The following SNTG2 variants were observed in gnomAD, a reference collection of about 807,000 sequenced individuals.
SNTG2 encodes gamma-2-syntrophin.
A neutral mutation model predicts 70.9 loss-of-function variants in SNTG2; 74 were observed. The ratio of observed to expected loss-of-function variants is 1.04; its 90% CI spans 0.86 to 1.27. The LOEUF is 1.27. Among genes scored for constraint, SNTG2 ranks in the 50% most tolerant of loss-of-function variants. SNTG2 has a pLI of 0.00. For missense variants in SNTG2, 717 were observed against 690.7 expected, an observed-to-expected ratio of 1.04 and a Z score of -0.43; for synonymous variants, 278 against 273.8, an observed-to-expected ratio of 1.02 and a Z score of -0.15.
chr2:1,100,232 T>C (rs1400449299), intron 4 of SNTG2, among the ~76,000 whole-genome samples: 1 of 151,946 alleles, frequency 6.6e-6, no homozygotes, highest in African/African-American at 2.4e-5. Context: ...AGAGGCGCGA[T>C]CTCGGCTCAC....
intron 1 of SNTG2, among the ~76,000 whole-genome samples, chr2:1,065,100 G>A (rs2148122501): frequency 6.6e-6 from 1 of 152,312 alleles, no homozygotes; most frequent in Admixed American, 6.5e-5. Flanking sequence ...AGCTGGAGCT[G>A]TGTAGCTGGA....
At chr2:1,332,907 G>A (rs982597225) in intron 16 of SNTG2, among the ~76,000 whole-genome samples, 3 of 152,266 alleles carry the variant, frequency 2.0e-5, no homozygotes, top group African/African-American at 7.2e-5. Flanking sequence ...AGACAGGGAC[G>A]CCTACTCTCA....
At chr2:1,314,153 C>G (rs1047554199) in intron 15 of SNTG2, among the ~76,000 whole-genome samples, 20 of 152,182 alleles carry the variant, frequency 1.3e-4, no homozygotes, top group African/African-American at 4.8e-4. Context: ...TAGGGGTAGA[C>G]CACTACTGCG....
intron 16 of SNTG2, among the ~76,000 whole-genome samples, chr2:1,338,674 A>G (rs968403740): frequency 1.3e-5 from 2 of 152,156 alleles, no homozygotes; most frequent in Admixed American, 6.5e-5. Context: ...AATGTCTTCA[A>G]GGTCCATCCA....
chr2:1,213,047 A>G (rs975388993), intron 9 of SNTG2, among the ~76,000 whole-genome samples: 1 of 152,238 alleles, frequency 6.6e-6, no homozygotes, highest in African/African-American at 2.4e-5. Context: ...TCCTTGTCCA[A>G]GTATAGGACC....
intron 6 of SNTG2, among the ~76,000 whole-genome samples, chr2:1,142,901 T>C (rs913271689): frequency 6.6e-6 from 1 of 152,228 alleles, no homozygotes; most frequent in African/African-American, 2.4e-5. Context: ...TGCAATTCTT[T>C]AGATATGCAT....
chr2:1,226,635 C>T (rs1675800090), intron 9 of SNTG2, among the ~76,000 whole-genome samples: 1 of 151,964 alleles, frequency 6.6e-6, no homozygotes, highest in African/African-American at 2.4e-5. Context: ...CACTCTTCGA[C>T]TGAACTGAGA....
At chr2:1,029,283 C>G (rs1264866995) in intron 1 of SNTG2, among the ~76,000 whole-genome samples, 2 of 152,046 alleles carry the variant, frequency 1.3e-5, no homozygotes, top group Non-Finnish European at 2.9e-5. Flanking sequence ...GTAATTAACA[C>G]AAAAAAGACT....
chr2:1,088,204 T>G (rs1664799615), intron 2 of SNTG2, among the ~76,000 whole-genome samples: 1 of 152,250 alleles, frequency 6.6e-6, no homozygotes, highest in South Asian at 2.1e-4. Context: ...AATTGGACAC[T>G]TTATCAGCAT....
intron 14 of SNTG2, among the ~76,000 whole-genome samples, chr2:1,307,083 G>A (rs1680715599): frequency 1.3e-5 from 2 of 150,520 alleles, no homozygotes; most frequent in Admixed American, 6.6e-5. Context: ...GAATGTGTGA[G>A]TGTGTGAACC....
chr2:1,316,528 A>G (rs35466197), intron 16 of SNTG2, among the ~76,000 whole-genome samples, 153 bp downstream of exon 16: 78,517 of 151,342 alleles, frequency 0.52, 20,481 homozygotes, highest in Middle Eastern at 0.68. Context: ...TTAGGCAATA[A>G]ATACGCCGAA....
intron 8 of SNTG2, among the ~76,000 whole-genome samples, chr2:1,197,808 C>T (rs555160017): frequency 3.4e-4 from 52 of 152,234 alleles, no homozygotes; most frequent in African/African-American, 1.2e-3. Flanking sequence ...TGCTGGATTA[C>T]AGGCATGAGC....
rs1661542824 is a variant in SNTG2, at chr2:1,367,363, G to A, written c.1509G>A (p.Leu503=). The part of the protein sequence containing the change: ...IETKELEFQD[L]RAVLHCIHSF... The stretch of plus-strand genomic sequence containing the variant: ...TCCAGGAACTCGAGTTCCAGGACCT[G>A]AGGGCTGTCCTGCACTGCATCCACT... The change falls in exon 17 of 17, where the codon CTG becomes CTA. Residue 503 remains leucine (L), a synonymous_variant. Coordinates refer to ENST00000308624, the MANE Select transcript of SNTG2 (RefSeq NM_018968.4). 1 of 1,547,358 alleles carries A rather than the reference G, an allele frequency of 6.5e-7. No homozygotes were observed. The highest frequency in any genetic ancestry group is 1.2e-5 in the South Asian group (1 of 82,736).
At chr2:1,290,396 C>G (rs1247017314) in intron 14 of SNTG2, among the ~76,000 whole-genome samples, 1 of 151,526 alleles carries the variant, frequency 6.6e-6, no homozygotes, top group Non-Finnish European at 1.5e-5. Flanking sequence ...CTTACTGCAA[C>G]CTCCGGCTCC....
intron 6 of SNTG2, among the ~76,000 whole-genome samples, chr2:1,140,658 A>G (rs1332265260): frequency 6.6e-6 from 1 of 152,390 alleles, no homozygotes; most frequent in Non-Finnish European, 1.5e-5. Context: ...TTCTGCCTGT[A>G]ATCACCCCAG....
At position 960,094 on chromosome 2, in the gene SNTG2, G is replaced by T. The variant is rs1422864843; in HGVS notation, c.72+9026G>T. On this transcript the variant is annotated intron_variant, in intron 1 of 16. Transcript: ENST00000308624. Reference sequence around the variant, plus strand: ...AATTACCATCATCCCCCTGCTTAAGGTTCTTCTGTATCAGTGGAGAGGCTT... The same window carrying T: ...AATTACCATCATCCCCCTGCTTAAGTTTCTTCTGTATCAGTGGAGAGGCTT... Among the ~76,000 whole-genome samples, 4 of 152,170 alleles carry T rather than the reference G, an allele frequency of 2.6e-5. No individual in the cohort carries two copies. In the East Asian group the frequency reaches 7.7e-4, roughly 29 times the overall value.
rs371977526 is a variant in SNTG2, at chr2:1,364,737, C to CAAA, written c.1489-2585_1489-2583dup. On this transcript the variant is annotated intron_variant, in intron 16 of 16. Coordinates refer to ENST00000308624, the MANE Select transcript of SNTG2 (RefSeq NM_018968.4). ...GAAACACCATCTCTACTAAAAATACCAAAAAAAAAAAAAAAAAAAAAAATT... is the reference window on the plus strand; with the variant it reads ...GAAACACCATCTCTACTAAAAATACCAAAAAAAAAAAAAAAAAAAAAAAAAATT... 3.2e-3 allele frequency among the ~76,000 whole-genome samples: 428 copies of CAAA among 131,954 alleles called. 1 individual carries two copies. The highest frequency in any genetic ancestry group is 9.8e-3 in the African/African-American group (338 of 34,650). The allele number at this position is 131,954 out of a possible 152,430, so 86.6% of individuals were successfully genotyped here. A position where few individuals can be genotyped will look rare whatever the true frequency, so the allele number is the denominator to read the frequency against.
At chr2:1,250,206 T>A (rs920619052) in intron 12 of SNTG2, among the ~76,000 whole-genome samples, 37 of 152,370 alleles carry the variant, frequency 2.4e-4, no homozygotes, top group African/African-American at 8.7e-4. Flanking sequence ...AAGTCCGTGC[T>A]CTGTCTCCGC....
chr2:1,336,796 C>A (rs1327032650), intron 16 of SNTG2, among the ~76,000 whole-genome samples: 1 of 139,058 alleles, frequency 7.2e-6, no homozygotes, highest in Non-Finnish European at 1.7e-5. Context: ...TTTGGGGTCT[C>A]AATTCTGTTT....
Sources: allele counts gnomAD v4.1 joint callset (sites outside exome capture counted in the v4.1 genomes callset), GRCh38; gene constraint gnomAD v4.1.1; transcripts MANE v1.5; gene names NCBI Gene and HGNC (gene_info 2026-07-23, HGNC 2026-07-21).